Variants in SH3BP4 observed in about 807,000 individuals in gnomAD.
SH3BP4 encodes SH3 domain binding protein 4.
A neutral mutation model predicts 65.5 loss-of-function variants in SH3BP4; 33 were observed. The observed-to-expected ratio is 0.50, with a 90% confidence interval of 0.38 to 0.67. The LOEUF (loss-of-function observed/expected upper bound fraction) is 0.67. SH3BP4 is among the 30% of genes least tolerant of loss of function. The pLI is 0.00. For synonymous variants in SH3BP4, 552 were observed against 545.5 expected, an observed-to-expected ratio of 1.01 and a Z score of -0.17; for missense variants, 1,134 against 1,261.4, an observed-to-expected ratio of 0.90 and a Z score of 1.53.
rs369608750 is a variant in SH3BP4 at position 235,042,269 on chromosome 2, C to T, written c.1500C>T (p.Ala500=). The change falls in exon 4 of 6, where the codon GCC becomes GCT. Residue 500 remains alanine, a synonymous_variant. Transcript: ENST00000392011. This position sits in a 1 kb window ranked among gnomAD's most constrained non-coding sequence, Gnocchi z 7.3. ...TGACCATTTTTGGGCATGACTGTGC[C>T]CCAAAGACGCTCCTGGTCAGCGAGG... ...TVVTIFGHDC[A]PKTLLVSEVT... is the part of the protein sequence containing the mutation. The T allele has an allele frequency of 4.6e-5, 74 of 1,614,008 alleles. No individual in the cohort carries two copies. The highest frequency in any genetic ancestry group is 6.0e-5 in the Non-Finnish European group (71 of 1,180,046).
At chr2:235,028,145 C>T (rs1268876123) in intron 2 of SH3BP4, among the ~76,000 whole-genome samples, 1 of 152,198 alleles carries the variant, frequency 6.6e-6, no homozygotes, top group South Asian at 2.1e-4. Flanking sequence ...AAAGGAAAAA[C>T]TTATCAGTTA....
In SH3BP4 at chr2:235,045,181, G is replaced by A. The variant is rs1341571273; in HGVS notation, c.2478+1934G>A. 6.6e-6 allele frequency among the ~76,000 whole-genome samples: 1 copy of A among 152,188 alleles called. No homozygotes were observed. The highest frequency in any genetic ancestry group is 2.4e-5 in the African/African-American group (1 of 41,450). ...GACAAAGCGCCTCCATCCCGTGAGA[G>A]CCTCTGTGCGGGCGGCCCCGAGACC... is the stretch of plus-strand genomic sequence containing the variant. On this transcript the variant is annotated intron_variant, in intron 4 of 5. Transcript: ENST00000392011. The surrounding 1 kb of genome is among the most constrained non-coding windows in gnomAD (Gnocchi z 4.3).
chr2:235,008,456 G>A (rs1474043346), intron 2 of SH3BP4: 3 of 152,312 alleles, frequency 2.0e-5, no homozygotes, highest in African/African-American at 7.2e-5. Context: ...GAGAACGCTT[G>A]AGGTGCTACC....
In SH3BP4 at chr2:235,055,690, T is replaced by C. The variant is rs1174490456; in HGVS notation, c.*1874T>C. On this transcript the variant is annotated 3_prime_UTR_variant, in exon 6 of 6. Coordinates refer to ENST00000392011, the MANE Select transcript of SH3BP4 (RefSeq NM_014521.3). ...GTGTTTTCTGTACCCAACCAGACTT[T>C]AAATAAAACAAACATGAAACCTAAT... 1 of 152,688 alleles carries C rather than the reference T, an allele frequency of 6.5e-6. No homozygotes were observed. The highest frequency in any genetic ancestry group is 2.4e-5 in the African/African-American group (1 of 41,474). The allele number at this position is 152,688 out of a possible 1,614,324, so 9.5% of individuals were successfully genotyped here.
intron 2 of SH3BP4, among the ~76,000 whole-genome samples, chr2:235,011,272 G>A (rs553567160): frequency 2.0e-5 from 3 of 151,944 alleles, no homozygotes; most frequent in South Asian, 4.2e-4. Flanking sequence ...GTTTTTGGCA[G>A]TCTTCGTTAG....
In SH3BP4 at chr2:234,956,410, G is replaced by A. The variant is rs187938004; in HGVS notation, c.-207+4240G>A. 1.2e-4 allele frequency among the ~76,000 whole-genome samples: 19 copies of A among 152,252 alleles called. No individual in the cohort carries two copies. The East Asian group carries it at 2.3e-3, about 19-fold the overall frequency. ...TACTAATGAGATTATTCTTATCTGC[G>A]CAATAAAAGCTTATCTCAGGGGAGC... On this transcript the variant is annotated intron_variant, in intron 1 of 5. Transcript: ENST00000392011.
At chr2:234,982,883 A>AG (rs55762329) in intron 1 of SH3BP4, among the ~76,000 whole-genome samples, 152,232 of 152,232 alleles carry the variant, frequency 1, 76,116 homozygotes, top group Non-Finnish European at 1. Context: ...AGGAAGGAGC[A>AG]GGCACCCTGT....
chr2:235,051,501 C>A (rs1214889613), intron 4 of SH3BP4, among the ~76,000 whole-genome samples: 1 of 152,196 alleles, frequency 6.6e-6, no homozygotes. Context: ...GCTGTCTGTC[C>A]TATTACCTCC....
intron 3 of SH3BP4, among the ~76,000 whole-genome samples, chr2:235,038,378 T>TATATATAC (rs1695512865): frequency 2.2e-3 from 49 of 22,728 alleles, no homozygotes; most frequent in African/African-American, 3.5e-3. Flanking sequence ...TATATATACA[T>TATATATAC]ATATATATAT....
intron 1 of SH3BP4, among the ~76,000 whole-genome samples, chr2:234,955,347 C>A (rs1026019897): frequency 6.6e-6 from 1 of 152,162 alleles, no homozygotes; most frequent in East Asian, 1.9e-4. Context: ...GCCTCACATT[C>A]TGCCACCACC....
chr2:234,957,178 G>A (rs1328109229), intron 1 of SH3BP4, among the ~76,000 whole-genome samples: 3 of 151,848 alleles, frequency 2.0e-5, no homozygotes, highest in African/African-American at 4.8e-5. Context: ...GTGCCACCAC[G>A]CCCAGAAGTT....
At chr2:235,050,161 G>A (rs1194415924) in intron 4 of SH3BP4, among the ~76,000 whole-genome samples, 1 of 151,924 alleles carries the variant, frequency 6.6e-6, no homozygotes. Context: ...TGTCCCCTAG[G>A]CTGGAGTGCA....
chr2:235,027,482 A>G (rs1247384476), intron 2 of SH3BP4, among the ~76,000 whole-genome samples: 1 of 152,060 alleles, frequency 6.6e-6, no homozygotes, highest in Non-Finnish European at 1.5e-5. Flanking sequence ...TCCGGAATGC[A>G]CTCTTGCTCG....
rs186602558 is a variant in SH3BP4 at position 235,021,815 on chromosome 2, C to T, written c.-132-13056C>T. 2.6e-4 allele frequency among the ~76,000 whole-genome samples: 39 copies of T among 152,078 alleles called. No individual in the cohort carries two copies. The East Asian group carries it at 7.0e-3, about 27-fold the overall frequency. ...GCAAACTAATGACACAGAACAGCCCCGATTCAGACCCTAGTGTCTGTACAC... is the reference window on the plus strand; with the variant it reads ...GCAAACTAATGACACAGAACAGCCCTGATTCAGACCCTAGTGTCTGTACAC... On this transcript the variant is annotated intron_variant, in intron 2 of 5. Coordinates refer to ENST00000392011, the MANE Select transcript of SH3BP4 (RefSeq NM_014521.3).
chr2:235,042,730 C>G lies in SH3BP4; in HGVS notation c.1961C>G (p.Ser654Cys). The G allele has an allele frequency of 1.2e-6, 2 of 1,614,208 alleles. No homozygotes were observed. Among genetic ancestry groups the G allele is most frequent in the Non-Finnish European group, 1.7e-6 (2 of 1,180,038 alleles). Residue 654 changes from serine (S) to cysteine (C), a missense_variant, in exon 4 of 6, where the codon TCC becomes TGC. Ser to Cys is a moderately radical substitution (Grantham distance 112). Coordinates refer to ENST00000392011, the MANE Select transcript of SH3BP4 (RefSeq NM_014521.3). The surrounding 1 kb of genome is among the most constrained non-coding windows in gnomAD (Gnocchi z 7.3). ...KYPTFQDRPVSSLKFGKLLKT... is the reference protein window; with the variant it reads ...KYPTFQDRPVCSLKFGKLLKT... ...CCGACTTTCCAGGACCGCCCGGTGT[C>G]CAGCCTCAAGTTTGGTAAGTTGCTC...
At chr2:235,044,945 G>C (rs1027274154) in intron 4 of SH3BP4, among the ~76,000 whole-genome samples, 1 of 152,226 alleles carries the variant, frequency 6.6e-6, no homozygotes, top group Admixed American at 6.5e-5. Flanking sequence ...TGGCAACCAG[G>C]AAATCACTGC....
At chr2:235,010,799 A>C (rs28562481) in intron 2 of SH3BP4, among the ~76,000 whole-genome samples, 36,571 of 72,280 alleles carry the variant, frequency 0.51, 10,010 homozygotes, top group African/African-American at 0.78. Context: ...CCTAGGAGAA[A>C]CCTTCCTCCC....
chr2:234,975,711 G>T (rs1469876708), intron 1 of SH3BP4, among the ~76,000 whole-genome samples: 1 of 151,922 alleles, frequency 6.6e-6, no homozygotes, highest in Non-Finnish European at 1.5e-5. Flanking sequence ...CCCCATCTCT[G>T]CAAAAAACAT....
At chr2:234,970,696 T>C (rs972121099) in intron 1 of SH3BP4, among the ~76,000 whole-genome samples, 2 of 152,206 alleles carry the variant, frequency 1.3e-5, no homozygotes, top group Admixed American at 6.6e-5. Context: ...TCCAGCTAAT[T>C]GGGGTGCACT....
Sources: gnomAD v4.1 joint callset for allele counts (sites outside exome capture counted in the v4.1 genomes callset) on GRCh38, gnomAD v4.1.1 for gene constraint, Gnocchi (gnomAD v3.1) non-coding constraint, MANE v1.5 for transcripts, NCBI Gene and HGNC (gene_info 2026-07-23, HGNC 2026-07-21) for gene names.